Variants in LRRC4C observed in about 807,000 individuals in gnomAD.
LRRC4C encodes leucine-rich repeat-containing protein 4C.
Under a neutral mutation model 33.6 loss-of-function variants are expected in LRRC4C, and 5 were observed. The observed-to-expected ratio is 0.15, with a 90% CI of 0.08 to 0.31. LRRC4C has a LOEUF of 0.31. Ranked by LOEUF, LRRC4C falls within the 10% of genes least tolerant of loss-of-function variation. LRRC4C has a pLI of 1.00. For synonymous variants in LRRC4C, 329 were observed against 302.0 expected, an observed-to-expected ratio of 1.09 and a Z score of -0.93; for missense variants, 560 against 796.7, an observed-to-expected ratio of 0.70 and a Z score of 3.58.
chr11:40,915,566 A>C (rs1197263628), intron 2 of LRRC4C, among the ~76,000 whole-genome samples: 6 of 152,344 alleles, frequency 3.9e-5, no homozygotes, highest in Admixed American at 6.5e-5. Context: ...TAAAGACTTA[A>C]ATGTTAGACC....
intron 3 of LRRC4C, among the ~76,000 whole-genome samples, chr11:40,458,586 C>G (rs1014836859): frequency 2.6e-5 from 4 of 152,144 alleles, no homozygotes; most frequent in African/African-American, 9.7e-5. Flanking sequence ...TCAGTTTCTC[C>G]TAAGTCTTTG....
At chr11:40,496,168 G>A (rs898588663) in intron 3 of LRRC4C, among the ~76,000 whole-genome samples, 1 of 152,026 alleles carries the variant, frequency 6.6e-6, no homozygotes, top group African/African-American at 2.4e-5. Context: ...AGGTAAAGAA[G>A]AGAAGACAGG....
At position 40,841,540 on chromosome 11, in the gene LRRC4C, G is replaced by A. The variant is rs535269788; in HGVS notation, c.-407+92095C>T. Among the ~76,000 whole-genome samples the A allele has an allele frequency of 4.6e-5, 7 of 152,272 alleles. No homozygotes were observed. In the South Asian group the frequency reaches 1.5e-3, roughly 32 times the overall value. On this transcript the variant is annotated intron_variant, in intron 2 of 6. Transcript: ENST00000528697. ...TTTCTTTCTCTCAGCCTGCATTTAG[G>A]GAAAGGCTGCTTGAGGACACAGCAA...
intron 3 of LRRC4C, among the ~76,000 whole-genome samples, chr11:40,381,030 T>G (rs1272664341): frequency 6.6e-6 from 1 of 152,188 alleles, no homozygotes; most frequent in Non-Finnish European, 1.5e-5. Flanking sequence ...ATTGTTTCCC[T>G]AACAACCGCT....
chr11:40,819,221 G>A (rs1371176856), intron 2 of LRRC4C, among the ~76,000 whole-genome samples: 8 of 151,996 alleles, frequency 5.3e-5, no homozygotes, highest in African/African-American at 1.9e-4. Flanking sequence ...TAAGAAGATA[G>A]GCAAAATACC....
intron 1 of LRRC4C, among the ~76,000 whole-genome samples, chr11:41,024,605 T>C (rs1196120750): frequency 6.6e-6 from 1 of 151,674 alleles, no homozygotes; most frequent in Non-Finnish European, 1.5e-5. Flanking sequence ...CTCAGCAACC[T>C]TATGTCTTAT....
chr11:40,161,037 T>C (rs1859109484), intron 5 of LRRC4C, among the ~76,000 whole-genome samples: 1 of 152,350 alleles, frequency 6.6e-6, no homozygotes, highest in Admixed American at 6.5e-5. Context: ...ATTTAAATTA[T>C]TGACCATGGG....
intron 5 of LRRC4C, among the ~76,000 whole-genome samples, chr11:40,150,706 A>G (rs1858127325): frequency 2.0e-5 from 3 of 152,184 alleles, no homozygotes; most frequent in East Asian, 1.9e-4. Context: ...CAGCCTCCCA[A>G]TGTGCTAGTT....
chr11:40,375,182 A>G (rs1948608377), intron 3 of LRRC4C, among the ~76,000 whole-genome samples: 1 of 152,138 alleles, frequency 6.6e-6, no homozygotes, highest in Non-Finnish European at 1.5e-5. Flanking sequence ...TTTTTGTTTT[A>G]TTACCAACAT....
chr11:40,416,147 A>G (rs1461091504), intron 3 of LRRC4C, among the ~76,000 whole-genome samples: 1 of 152,192 alleles, frequency 6.6e-6, no homozygotes, highest in Non-Finnish European at 1.5e-5. Flanking sequence ...TCATAATTCA[A>G]TACCTTCAAC....
chr11:41,319,664 G>C (rs1320899264), intron 1 of LRRC4C, among the ~76,000 whole-genome samples: 1 of 152,018 alleles, frequency 6.6e-6, no homozygotes, highest in African/African-American at 2.4e-5. Context: ...CACCTCCCAG[G>C]GTGGCTAGTC....
chr11:41,235,196 A>G (rs1947965520), intron 1 of LRRC4C, among the ~76,000 whole-genome samples: 2 of 152,106 alleles, frequency 1.3e-5, no homozygotes, highest in South Asian at 4.1e-4. Flanking sequence ...AAATGGATAC[A>G]AATTTGCATA....
At chr11:41,449,417 T>C (rs1193948792) in intron 1 of LRRC4C, among the ~76,000 whole-genome samples, 2 of 152,140 alleles carry the variant, frequency 1.3e-5, no homozygotes, top group Non-Finnish European at 2.9e-5. Flanking sequence ...CTTGATTTTG[T>C]ATCTTCTGTG....
chr11:41,143,553 G>A (rs1390978261), intron 1 of LRRC4C, among the ~76,000 whole-genome samples: 5 of 152,104 alleles, frequency 3.3e-5, no homozygotes, highest in Admixed American at 3.3e-4. Context: ...CTGAAGATGA[G>A]GGACAGGTCC....
In LRRC4C at chr11:41,164,388, C is replaced by T. The variant is rs11036263; in HGVS notation, c.-495-230665G>A. 5.6e-3 allele frequency among the ~76,000 whole-genome samples: 854 copies of T among 152,192 alleles called. 5 individuals are homozygous for T. Among genetic ancestry groups the T allele is most frequent in the African/African-American group, 0.019 (776 of 41,540 alleles). ...GATAACAATGTCTTCTCTTCAGTAC[C>T]TCCTGAGGAACCTGCCTGAGGCTGT... is the stretch of plus-strand genomic sequence containing the variant. On this transcript the variant is annotated intron_variant, in intron 1 of 6. Coordinates refer to ENST00000528697, the MANE Select transcript of LRRC4C (RefSeq NM_001258419.2).
intron 3 of LRRC4C, among the ~76,000 whole-genome samples, chr11:40,579,323 T>TAA (rs112873928): frequency 1.9e-4 from 27 of 143,846 alleles, no homozygotes; most frequent in African/African-American, 5.1e-4. Flanking sequence ...GAGACTCTGT[T>TAA]AAAAAAAAAA....
At chr11:40,811,648 C>A (rs1951495152) in intron 2 of LRRC4C, among the ~76,000 whole-genome samples, 2 of 152,128 alleles carry the variant, frequency 1.3e-5, no homozygotes, top group South Asian at 4.1e-4. Flanking sequence ...CAGGCACACA[C>A]CACCATGCCC....
At chr11:40,208,083 TC>T (rs1443971204) in intron 5 of LRRC4C, among the ~76,000 whole-genome samples, 1 of 152,228 alleles carries the variant, frequency 6.6e-6, no homozygotes, top group Admixed American at 6.5e-5. Flanking sequence ...ATATCTGATT[TC>T]TTTCCTGTAT....
chr11:40,311,204 T>C (rs1250256338), intron 4 of LRRC4C, among the ~76,000 whole-genome samples: 1 of 152,216 alleles, frequency 6.6e-6, no homozygotes, highest in African/African-American at 2.4e-5. Context: ...ATTTCTCTCC[T>C]GCAGTATGGC....
Sources: allele counts gnomAD v4.1 joint callset (sites outside exome capture counted in the v4.1 genomes callset), GRCh38; gene constraint gnomAD v4.1.1; transcripts MANE v1.5; gene names NCBI Gene and HGNC (gene_info 2026-07-23, HGNC 2026-07-21).